Variants in MAST4 observed in about 807,000 individuals in gnomAD.
The protein encoded by MAST4 is microtubule associated serine/threonine kinase family member 4.
A neutral mutation model predicts 162.7 loss-of-function variants in MAST4; 89 were observed. The observed-to-expected ratio is 0.55, with a 90% CI of 0.46 to 0.65. The LOEUF is 0.65. Among genes scored for constraint, MAST4 ranks in the 30% least tolerant of loss-of-function variants. The probability of loss-of-function intolerance (pLI) is 0.00; values close to 1 mark genes in which losing one functional copy is unlikely to be tolerated. For missense variants in MAST4, 3,153 were observed against 3,374.0 expected, an observed-to-expected ratio of 0.93 and a Z score of 1.62; for synonymous variants, 1,479 against 1,361.1, an observed-to-expected ratio of 1.09 and a Z score of -1.91.
chr5:66,811,096 C>T (rs1208183976), intron 3 of MAST4, among the ~76,000 whole-genome samples: 1 of 152,156 alleles, frequency 6.6e-6, no homozygotes, highest in African/African-American at 2.4e-5. Flanking sequence ...GGAGGATCTG[C>T]CAGGCAGAAG....
At chr5:67,078,915 T>TATATATATATA (rs1561621958) in intron 5 of MAST4, among the ~76,000 whole-genome samples, 440 of 28,524 alleles carry the variant, frequency 0.015, 10 homozygotes, top group Non-Finnish European at 0.027. Flanking sequence ...TATATAAATA[T>TATATATATATA]ATATATATAT....
chr5:67,137,493 T>C (rs1289193953), intron 19 of MAST4, among the ~76,000 whole-genome samples: 5 of 152,212 alleles, frequency 3.3e-5, no homozygotes, highest in African/African-American at 1.2e-4. Context: ...GGCTGTTTCA[T>C]TCTACCCCCA....
chr5:66,947,738 G>A (rs1744203770), intron 4 of MAST4, among the ~76,000 whole-genome samples: 1 of 152,130 alleles, frequency 6.6e-6, no homozygotes, highest in African/African-American at 2.4e-5. Context: ...TGGTTGGGTA[G>A]TGTATCCCGG....
chr5:67,165,829 C>A lies in MAST4; in HGVS notation c.6650C>A (p.Pro2217Gln). ...GACCGGTCCCTCTCCTCTCAGAAAC[C>A]AAGTGTCGGGGCCACAAAGGGCAAA... ...HPDRSLSSQK[P>Q]SVGATKGKEP... The change falls in exon 29 of 29, where the codon CCA becomes CAA. Residue 2217 changes from proline to glutamine, a missense_variant. Coordinates refer to ENST00000403625, the MANE Select transcript of MAST4 (RefSeq NM_001164664.2). 1 of 1,613,028 alleles carries A rather than the reference C, an allele frequency of 6.2e-7. No individual in the cohort carries two copies. Among genetic ancestry groups the A allele is most frequent in the Non-Finnish European group, 8.5e-7 (1 of 1,179,820 alleles).
intron 1 of MAST4, among the ~76,000 whole-genome samples, chr5:66,680,081 C>A (rs1265527131): frequency 6.6e-6 from 1 of 152,088 alleles, no homozygotes; most frequent in Non-Finnish European, 1.5e-5. Flanking sequence ...AGCAGAGAGC[C>A]CAGTTTTGTT....
At chr5:66,825,587 C>G (rs1376614712) in intron 3 of MAST4, among the ~76,000 whole-genome samples, 1 of 152,086 alleles carries the variant, frequency 6.6e-6, no homozygotes, top group Non-Finnish European at 1.5e-5. Flanking sequence ...TTTCTTTCCC[C>G]CTTGTTTTTC....
At chr5:66,899,084 CATTTT>C (rs1291179476) in intron 3 of MAST4, among the ~76,000 whole-genome samples, 1 of 151,966 alleles carries the variant, frequency 6.6e-6, no homozygotes, top group Non-Finnish European at 1.5e-5. Context: ...TAATGCGCTT[CATTTT>C]GAGTTTAAAT....
intron 1 of MAST4, among the ~76,000 whole-genome samples, chr5:66,668,622 A>G (rs1402415652): frequency 1.3e-5 from 2 of 152,206 alleles, no homozygotes; most frequent in Non-Finnish European, 2.9e-5. Context: ...TAACCCCACA[A>G]GGTGATTGTG....
At chr5:66,827,234 C>G (rs1261092785) in intron 3 of MAST4, among the ~76,000 whole-genome samples, 1 of 152,094 alleles carries the variant, frequency 6.6e-6, no homozygotes, top group Non-Finnish European at 1.5e-5. Flanking sequence ...GAAGAATGAC[C>G]AGTTTTTGTG....
At chr5:66,855,406 T>G (rs192244295) in intron 3 of MAST4, among the ~76,000 whole-genome samples, 2 of 152,296 alleles carry the variant, frequency 1.3e-5, no homozygotes, top group African/African-American at 4.8e-5. Context: ...CTTAGATACT[T>G]CTTTATAGCA....
chr5:66,844,490 A>G (rs957327890), intron 3 of MAST4, among the ~76,000 whole-genome samples: 21 of 152,032 alleles, frequency 1.4e-4, no homozygotes, highest in African/African-American at 5.1e-4. Context: ...TTTTAGCTCT[A>G]TGGGGTCATC....
chr5:67,159,646 AG>A (rs1423082588), intron 26 of MAST4, among the ~76,000 whole-genome samples: 1 of 152,324 alleles, frequency 6.6e-6, no homozygotes. Context: ...AAATTCAGGA[AG>A]GGTAATTGAT....
chr5:66,905,923 G>T (rs1468529213), intron 4 of MAST4, among the ~76,000 whole-genome samples: 1 of 152,120 alleles, frequency 6.6e-6, no homozygotes, highest in African/African-American at 2.4e-5. Context: ...CTCTTGTCAG[G>T]CCTTAAAAGG....
In MAST4 at chr5:66,708,151, C is replaced by T. The variant is rs77921317; in HGVS notation, c.364-51558C>T. Reference sequence around the variant, plus strand: ...AGCTCTGCAAAGCTAGTCCTAGTTTCGCTGCACTGTGTGGCCTCTGTGTCT... The same window carrying T: ...AGCTCTGCAAAGCTAGTCCTAGTTTTGCTGCACTGTGTGGCCTCTGTGTCT... On this transcript the variant is annotated intron_variant, in intron 1 of 28. Coordinates refer to ENST00000403625, the MANE Select transcript of MAST4 (RefSeq NM_001164664.2). Among the ~76,000 whole-genome samples, 399 of 152,298 alleles carry T rather than the reference C, an allele frequency of 2.6e-3. 3 individuals carry two copies. The highest frequency in any genetic ancestry group is 9.2e-3 in the African/African-American group (384 of 41,562).
At chr5:67,146,376 T>G (rs1044926913) in intron 23 of MAST4, among the ~76,000 whole-genome samples, 1 of 152,222 alleles carries the variant, frequency 6.6e-6, no homozygotes, top group African/African-American at 2.4e-5. Flanking sequence ...TTAAGTTCAT[T>G]TAAAATATCA....
At chr5:66,826,101 C>T (rs1365279272) in intron 3 of MAST4, among the ~76,000 whole-genome samples, 1 of 152,216 alleles carries the variant, frequency 6.6e-6, no homozygotes, top group African/African-American at 2.4e-5. Context: ...CTCCGCTAAG[C>T]CATTATTGCT....
At chr5:66,776,444 A>G (rs1754606316) in intron 2 of MAST4, among the ~76,000 whole-genome samples, 3 of 152,330 alleles carry the variant, frequency 2.0e-5, no homozygotes, top group Non-Finnish European at 4.4e-5. Flanking sequence ...GAAAATAGAC[A>G]TTATATTGTG....
At chr5:67,055,349 TAGA>T (rs780914259) in intron 5 of MAST4, among the ~76,000 whole-genome samples, 24 of 152,302 alleles carry the variant, frequency 1.6e-4, no homozygotes, top group Admixed American at 3.9e-4. Context: ...GGATGAAGGT[TAGA>T]AGAATGAGCT....
At chr5:66,794,316 G>A (rs1361799132) in intron 3 of MAST4, among the ~76,000 whole-genome samples, 1 of 152,212 alleles carries the variant, frequency 6.6e-6, no homozygotes, top group Admixed American at 6.5e-5. Context: ...AGGGCTGACT[G>A]TGTAGACTTC....
Sources: gnomAD v4.1 joint callset for allele counts (sites outside exome capture counted in the v4.1 genomes callset) on GRCh38, gnomAD v4.1.1 for gene constraint, MANE v1.5 for transcripts, NCBI Gene and HGNC (gene_info 2026-07-23, HGNC 2026-07-21) for gene names.